The following SNAP47 variants were observed in gnomAD, a reference collection of about 807,000 sequenced individuals.
The protein encoded by SNAP47 is synaptosome associated protein 47, also known as synaptosomal-associated protein 47.
In SNAP47, 20 loss-of-function variants were observed where a neutral mutation model predicts 31.4. The observed-to-expected ratio is 0.64, with a 90% CI of 0.45 to 0.93. SNAP47 has a LOEUF of 0.93. SNAP47 is among the 40% of genes least tolerant of loss of function. The pLI is 0.00. For synonymous variants in SNAP47, 194 were observed against 213.4 expected (o/e 0.91, Z 0.79); for missense variants, 492 against 528.5 (o/e 0.93, Z 0.68).
intron 4 of SNAP47, among the ~76,000 whole-genome samples, chr1:227,775,547 G>C (rs1339941042): frequency 6.6e-6 from 1 of 152,228 alleles, no homozygotes; most frequent in Non-Finnish European, 1.5e-5. Flanking sequence ...TGGAGGCCAA[G>C]GCCGTGCGTG....
At chr1:227,771,538 C>G (rs962963678) in intron 4 of SNAP47, among the ~76,000 whole-genome samples, 1 of 152,176 alleles carries the variant, frequency 6.6e-6, no homozygotes, top group African/African-American at 2.4e-5. Flanking sequence ...AGACTTATGG[C>G]AGCTGAGTGG....
At chr1:227,746,428 A>T (rs996549000) in intron 1 of SNAP47, 1 of 152,222 alleles carries the variant, frequency 6.6e-6, no homozygotes, top group African/African-American at 2.4e-5. Context: ...TCATACAATT[A>T]AGGTCCCATT....
chr1:227,747,629 T>A (rs1662051565), intron 1 of SNAP47, 63 bp from the exon 2 acceptor site: 4 of 1,498,122 alleles, frequency 2.7e-6, no homozygotes, highest in Non-Finnish European at 3.6e-6. Context: ...AGCATCCTTG[T>A]GGGGTTGCTT....
intron 1 of SNAP47, among the ~76,000 whole-genome samples, chr1:227,739,093 C>T (rs532822839): frequency 1.3e-5 from 2 of 152,300 alleles, no homozygotes; most frequent in Admixed American, 6.5e-5. Context: ...GCTAGATCAG[C>T]CCTGGCATCG....
intron 3 of SNAP47, among the ~76,000 whole-genome samples, chr1:227,765,652 A>G (rs1232895735): frequency 6.6e-6 from 1 of 152,182 alleles, no homozygotes; most frequent in Non-Finnish European, 1.5e-5. Context: ...GGGATAGGAA[A>G]ACAGCCCACT....
At chr1:227,775,005 C>T (rs1054981324) in intron 4 of SNAP47, among the ~76,000 whole-genome samples, 38 of 152,332 alleles carry the variant, frequency 2.5e-4, no homozygotes, top group Admixed American at 2.2e-3. Flanking sequence ...ATCAAAGTCC[C>T]CTCTGAGCAG....
chr1:227,764,597 C>T (rs977858263), intron 3 of SNAP47, among the ~76,000 whole-genome samples: 5 of 150,026 alleles, frequency 3.3e-5, no homozygotes, highest in East Asian at 1.9e-4. Context: ...TTAAGACCCC[C>T]GTCTCTATAA....
intron 3 of SNAP47, among the ~76,000 whole-genome samples, chr1:227,764,617 A>G (rs1054302683): frequency 1.3e-5 from 2 of 152,134 alleles, no homozygotes; most frequent in African/African-American, 4.8e-5. Flanking sequence ...AAAAAATACA[A>G]AAATTAAGCC....
chr1:227,765,080 A>G (rs1663305953), intron 3 of SNAP47, among the ~76,000 whole-genome samples: 1 of 152,226 alleles, frequency 6.6e-6, no homozygotes, highest in Non-Finnish European at 1.5e-5. Context: ...ATTGTAGCCA[A>G]GGAATTGCAG....
Position 227,762,637 on chromosome 1 carries a change from C to A in SNAP47, c.988+3152C>A, listed in dbSNP as rs1315613291. Among the ~76,000 whole-genome samples the A allele has an allele frequency of 6.6e-6, 1 of 152,184 alleles. No individual in the cohort carries two copies. The highest frequency in any genetic ancestry group is 2.4e-5 in the African/African-American group (1 of 41,444). The stretch of plus-strand genomic sequence containing the variant: ...CTCGCGACACCGGATGGGCGCTTGT[C>A]AGGGAGGGACACCCGGGGCGGGGAG... On this transcript the variant is annotated intron_variant, in intron 3 of 4. Transcript: ENST00000617596. The surrounding 1 kb of genome is among the most constrained non-coding windows in gnomAD (Gnocchi z 4.2).
intron 4 of SNAP47, chr1:227,776,150 C>T: frequency 8.6e-7 from 1 of 1,164,338 alleles, no homozygotes; most frequent in Non-Finnish European, 1.1e-6. Context: ...GCGGGTCCCA[C>T]AAGCCGCTCA....
upstream of SNAP47, chr1:227,734,163 C>A: frequency 9.5e-7 from 1 of 1,054,794 alleles, no homozygotes; most frequent in East Asian, 2.5e-5. Flanking sequence ...CAAAGAGCCC[C>A]AGACCCTCCT....
At chr1:227,774,776 G>A (rs1054211849) in intron 4 of SNAP47, among the ~76,000 whole-genome samples, 3 of 152,220 alleles carry the variant, frequency 2.0e-5, no homozygotes, top group African/African-American at 7.2e-5. Context: ...GTTCTTCCAC[G>A]TGTGCGATGC....
chr1:227,767,226 C>T, intron 4 of SNAP47, 143 bp downstream of exon 4: 3 of 1,253,072 alleles, frequency 2.4e-6, no homozygotes, highest in Non-Finnish European at 3.3e-6. Context: ...CTGGCCTCCA[C>T]TCGGCAGCTG....
intron 1 of SNAP47, among the ~76,000 whole-genome samples, chr1:227,729,194 A>C (rs1035537751): frequency 6.6e-6 from 1 of 152,148 alleles, no homozygotes; most frequent in Non-Finnish European, 1.5e-5. Context: ...GTGGGAGGGT[A>C]ACTGGGGCCT....
At chr1:227,730,063 G>A (rs1660542195), upstream of SNAP47, among the ~76,000 whole-genome samples, 1 of 152,178 alleles carries the variant, frequency 6.6e-6, no homozygotes, top group Admixed American at 6.5e-5. Context: ...TTGAGCATCT[G>A]CATTGTTTCT....
upstream of SNAP47, chr1:227,732,103 C>T (rs1256856548): frequency 3.9e-6 from 2 of 517,104 alleles, no homozygotes; most frequent in East Asian, 6.8e-5. Context: ...TCAGCTCAGG[C>T]GTCCTGGCCT....
At chr1:227,747,198 G>A (rs922036209) in intron 1 of SNAP47, 2 of 154,824 alleles carry the variant, frequency 1.3e-5, no homozygotes, top group African/African-American at 4.8e-5. Flanking sequence ...TGAAGTTGAT[G>A]AATGGAAGTT....
intron 4 of SNAP47, 105 bp from the exon 5 acceptor site, chr1:227,780,422 A>T: frequency 1.3e-6 from 2 of 1,496,814 alleles, no homozygotes; most frequent in Non-Finnish European, 1.8e-6. Flanking sequence ...GGCATCACCC[A>T]GGTGGTAACG....
Sources: allele counts gnomAD v4.1 joint callset (sites outside exome capture counted in the v4.1 genomes callset), GRCh38; gene constraint gnomAD v4.1.1; non-coding constraint Gnocchi (gnomAD v3.1); transcripts MANE v1.5; gene names NCBI Gene and HGNC (gene_info 2026-07-23, HGNC 2026-07-21).